Variants in TENM2 observed in about 807,000 individuals in gnomAD.
TENM2 encodes the protein teneurin-2.
A neutral mutation model predicts 245.2 loss-of-function variants in TENM2; 52 were observed. That is an observed-to-expected ratio of 0.21 (90% CI 0.17 to 0.27). TENM2 has a LOEUF of 0.27. Ranked by LOEUF, TENM2 falls within the 10% of genes least tolerant of loss-of-function variation. The pLI is 1.00. For synonymous variants in TENM2, 1,363 were observed against 1,438.9 expected (o/e 0.95, Z 1.19); for missense variants, 3,046 against 3,666.8 (o/e 0.83, Z 4.37).
intron 5 of TENM2, among the ~76,000 whole-genome samples, chr5:168,003,308 C>A (rs57205241): frequency 0.32 from 8,960 of 28,202 alleles, 465 homozygotes; most frequent in African/African-American, 0.38. Context: ...TAAGAAAAAA[C>A]ACACACACAC....
At chr5:167,488,242 T>G (rs1002537345) in intron 2 of TENM2, among the ~76,000 whole-genome samples, 2 of 152,190 alleles carry the variant, frequency 1.3e-5, no homozygotes, top group African/African-American at 4.8e-5. Context: ...CCACTTTCTC[T>G]GCTAAAAATG....
chr5:167,223,395 T>C, the TENM2 span, among the ~76,000 whole-genome samples: 53 of 152,022 alleles, frequency 3.5e-4, no homozygotes, highest in African/African-American at 1.2e-3. Flanking sequence ...TCTAATTCCA[T>C]GTGATCAACT....
intron 2 of TENM2, among the ~76,000 whole-genome samples, chr5:167,591,856 A>C (rs1311420762): frequency 6.6e-6 from 1 of 152,228 alleles, no homozygotes; most frequent in East Asian, 1.9e-4. Flanking sequence ...CCCTGCTCTG[A>C]TCCATCTAAA....
chr5:167,989,438 G>A (rs1783505598), intron 4 of TENM2, among the ~76,000 whole-genome samples: 1 of 152,130 alleles, frequency 6.6e-6, no homozygotes, highest in African/African-American at 2.4e-5. Flanking sequence ...TGATTCAATT[G>A]AACGGGCTTG....
intron 5 of TENM2, among the ~76,000 whole-genome samples, chr5:168,004,515 GCGCACACACACACACACACACACA>G (rs1296999347): frequency 4.1e-5 from 3 of 73,632 alleles, no homozygotes; most frequent in African/African-American, 1.8e-4. Context: ...ATGCGCGCGC[GCGCACACACACACACACACACACA>G]CACACACACA....
At chr5:167,005,362 G>A in the TENM2 span, among the ~76,000 whole-genome samples, 2 of 152,272 alleles carry the variant, frequency 1.3e-5, no homozygotes, top group South Asian at 2.1e-4. Flanking sequence ...GCCACTTTTT[G>A]ACTGAAAATC....
At chr5:168,047,339 G>T in intron 5 of TENM2, 88 bp from the exon 8 acceptor site, 2 of 1,469,140 alleles carry the variant, frequency 1.4e-6, no homozygotes, top group South Asian at 2.5e-5. Flanking sequence ...AAAGGCAATC[G>T]CTTGGAAAAG....
chr5:167,048,717 A>G, the TENM2 span, among the ~76,000 whole-genome samples: 10 of 152,232 alleles, frequency 6.6e-5, no homozygotes, highest in African/African-American at 2.4e-4. Flanking sequence ...TTGCTGCTAA[A>G]TAAATGCCTA....
chr5:167,725,537 C>A (rs1759940030), intron 2 of TENM2, among the ~76,000 whole-genome samples: 1 of 152,170 alleles, frequency 6.6e-6, no homozygotes, highest in Non-Finnish European at 1.5e-5. Context: ...ACTGTACAGG[C>A]TAAACACCTC....
chr5:166,997,456 T>A, the TENM2 span, among the ~76,000 whole-genome samples: 2 of 152,166 alleles, frequency 1.3e-5, no homozygotes, highest in Admixed American at 1.3e-4. Flanking sequence ...CCAGCCCACA[T>A]GACTCCAGAA....
At chr5:168,096,262 G>A (rs150184233) in intron 8 of TENM2, among the ~76,000 whole-genome samples, 7 of 152,268 alleles carry the variant, frequency 4.6e-5, no homozygotes, top group East Asian at 3.9e-4. Context: ...TCCCAGCACC[G>A]TGTGAAATTG....
chr5:167,880,911 G>T (rs570731430), intron 3 of TENM2, among the ~76,000 whole-genome samples: 1 of 152,144 alleles, frequency 6.6e-6, no homozygotes, highest in African/African-American at 2.4e-5. Flanking sequence ...AGACTTTGAG[G>T]TTAAAGTCAC....
chr5:167,177,638 G>T, the TENM2 span, among the ~76,000 whole-genome samples: 14 of 152,176 alleles, frequency 9.2e-5, no homozygotes, highest in Non-Finnish European at 1.8e-4. Context: ...AGTTCAATTC[G>T]AATCAGAGGT....
intron 2 of TENM2, among the ~76,000 whole-genome samples, chr5:167,660,943 T>G (rs1170183511): frequency 6.6e-6 from 1 of 152,190 alleles, no homozygotes; most frequent in Admixed American, 6.5e-5. Flanking sequence ...TATTCTATTT[T>G]CAAAATGTAT....
At chr5:167,213,218 C>A in the TENM2 span, among the ~76,000 whole-genome samples, 1 of 152,098 alleles carries the variant, frequency 6.6e-6, no homozygotes. Context: ...TTTGTATATA[C>A]GCCATCAAGG....
At chr5:167,993,715 C>T (rs1044828988) in intron 5 of TENM2, among the ~76,000 whole-genome samples, 1 of 152,174 alleles carries the variant, frequency 6.6e-6, no homozygotes, top group Admixed American at 6.5e-5. Context: ...TATACAGAAT[C>T]GAATTAGCCA....
At chr5:167,162,023 G>A in the TENM2 span, among the ~76,000 whole-genome samples, 19 of 151,876 alleles carry the variant, frequency 1.3e-4, no homozygotes, top group African/African-American at 4.3e-4. Context: ...AAAATTAGCC[G>A]GGTGTGGTGG....
intron 3 of TENM2, among the ~76,000 whole-genome samples, chr5:167,902,572 A>G (rs1002721768): frequency 1.3e-5 from 2 of 152,128 alleles, no homozygotes; most frequent in Non-Finnish European, 2.9e-5. Flanking sequence ...CTATGGAGTT[A>G]CCTCCTCAGG....
chr5:167,142,167 G>T, the TENM2 span, among the ~76,000 whole-genome samples: 1 of 151,000 alleles, frequency 6.6e-6, no homozygotes, highest in Non-Finnish European at 1.5e-5. Context: ...GTTCATATAA[G>T]ATTTGTTTCC....
Sources: gnomAD v4.1 joint callset for allele counts (sites outside exome capture counted in the v4.1 genomes callset) on GRCh38, gnomAD v4.1.1 for gene constraint, MANE v1.5 for transcripts, NCBI Gene and HGNC (gene_info 2026-07-23, HGNC 2026-07-21) for gene names.